Variants in BRIP1 observed in about 807,000 individuals in gnomAD.
The protein encoded by BRIP1 is BRCA1 interacting DNA helicase 1, also known as Fanconi anemia group J protein.
Under a neutral mutation model 119.7 loss-of-function variants are expected in BRIP1, and 88 were observed. The ratio of observed to expected loss-of-function variants is 0.74; its 90% CI spans 0.62 to 0.88. The LOEUF (loss-of-function observed/expected upper bound fraction) is 0.88, where lower values mean the gene tolerates loss of function less well. Ranked by LOEUF, BRIP1 falls within the 40% of genes least tolerant of loss-of-function variation. The probability of loss-of-function intolerance (pLI) is 0.00; values close to 1 mark genes in which losing one functional copy is unlikely to be tolerated. For missense variants in BRIP1, 1,259 were observed against 1,455.4 expected, an observed-to-expected ratio of 0.87 and a Z score of 2.20; for synonymous variants, 443 against 496.5, an observed-to-expected ratio of 0.89 and a Z score of 1.43.
chr17:61,787,120 A>T (rs1448178042), intron 10 of BRIP1, among the ~76,000 whole-genome samples: 1 of 112,012 alleles, frequency 8.9e-6, no homozygotes, highest in East Asian at 2.7e-4. Flanking sequence ...TTAATATATA[A>T]TATATTATAT....
rs895672379 is a variant in BRIP1 at position 61,832,760 on chromosome 17, G to A, written c.627+14341C>T. On this transcript the variant is annotated intron_variant, in intron 6 of 19. Transcript: ENST00000259008. The surrounding 1 kb of genome is among the most constrained non-coding windows in gnomAD (Gnocchi z 5.5). Reference sequence around the variant, plus strand: ...TGGATTCTTTTGCTTTTATAAAAGCGTTATTAAGACAACTGCTAAAATTTA... The same window carrying A: ...TGGATTCTTTTGCTTTTATAAAAGCATTATTAAGACAACTGCTAAAATTTA... Among the ~76,000 whole-genome samples, 3 of 152,278 alleles carry A rather than the reference G, an allele frequency of 2.0e-5. No individual in the cohort carries two copies. The highest frequency in any genetic ancestry group is 2.9e-5 in the Non-Finnish European group (2 of 68,012).
rs147809720 is a variant in BRIP1, at chr17:61,749,224, C to T, written c.2098-4633G>A. ...CATTGGATTTAACAATGATTTTATG[C>T]ATATGACATAAAAGCACAGGCAATA... On this transcript the variant is annotated intron_variant, in intron 14 of 19. Coordinates refer to ENST00000259008, the MANE Select transcript of BRIP1 (RefSeq NM_032043.3). Among the ~76,000 whole-genome samples the T allele has an allele frequency of 1.3e-4, 20 of 151,072 alleles. No individual in the cohort carries two copies. The East Asian group carries it at 3.9e-3, about 29-fold the overall frequency.
rs1047999551 is a variant in BRIP1, at chr17:61,852,974, A to C, written c.380-3718T>G. ...CTACTATAGCTGAACATATGTATATACTATGACCAGGTATGTGTCTACAGA... is the reference window on the plus strand; with the variant it reads ...CTACTATAGCTGAACATATGTATATCCTATGACCAGGTATGTGTCTACAGA... On this transcript the variant is annotated intron_variant, in intron 4 of 19. Transcript: ENST00000259008. This position sits in a 1 kb window ranked among gnomAD's most constrained non-coding sequence, Gnocchi z 4.9. Among the ~76,000 whole-genome samples, 1 of 152,222 alleles carries C rather than the reference A, an allele frequency of 6.6e-6. No individual in the cohort carries two copies. Among genetic ancestry groups the C allele is most frequent in the East Asian group, 1.9e-4 (1 of 5,200 alleles).
At chr17:61,838,586 T>G (rs1315481380) in intron 6 of BRIP1, among the ~76,000 whole-genome samples, 1 of 147,336 alleles carries the variant, frequency 6.8e-6, no homozygotes. Context: ...AATAAATAAA[T>G]AAATAAAGCA....
chr17:61,826,234 G>A (rs181695379), intron 6 of BRIP1, among the ~76,000 whole-genome samples: 281 of 151,966 alleles, frequency 1.8e-3, no homozygotes, highest in African/African-American at 6.3e-3. Flanking sequence ...TCCTTACACC[G>A]TATTCAAAAA....
rs1369274888 is a variant in BRIP1, at chr17:61,793,700, A to C, written c.1370T>G (p.Val457Gly). ...ACAAGCTGATTCATAATCTCTTTCT[A>C]CAAGATATTCAGCGTTTGCTTCTAA... Reference protein sequence around the residue: ...NWLEANAEYLVERDYESACKI... With the variant: ...NWLEANAEYLGERDYESACKI... Residue 457 changes from valine (V) to glycine (G), a missense_variant, in exon 10 of 20, where the codon GTA becomes GGA. Transcript: ENST00000259008. The surrounding 1 kb of genome is among the most constrained non-coding windows in gnomAD (Gnocchi z 5.2). 1 of 1,610,720 alleles carries C rather than the reference A, an allele frequency of 6.2e-7. No individual in the cohort carries two copies. Among genetic ancestry groups the C allele is most frequent in the East Asian group, 2.2e-5 (1 of 44,696 alleles).
chr17:61,779,368 G>C (rs2077579660), intron 13 of BRIP1, among the ~76,000 whole-genome samples: 1 of 152,194 alleles, frequency 6.6e-6, no homozygotes, highest in East Asian at 1.9e-4. Flanking sequence ...CCTGAGCCTG[G>C]GAGTTTGAAG....
intron 3 of BRIP1, among the ~76,000 whole-genome samples, chr17:61,858,380 T>G (rs556652546): frequency 3.2e-4 from 49 of 151,948 alleles, no homozygotes; most frequent in Admixed American, 2.0e-3. Context: ...TTACTGTTTT[T>G]TTTTTTTTTT....
chr17:61,779,063 T>A (rs148832285), intron 13 of BRIP1, among the ~76,000 whole-genome samples: 1 of 152,318 alleles, frequency 6.6e-6, no homozygotes, highest in African/African-American at 2.4e-5. Flanking sequence ...TAACAATCTA[T>A]ACATTTCCAC....
chr17:61,835,075 TTAA>T (rs1451690635), intron 6 of BRIP1, among the ~76,000 whole-genome samples: 1 of 152,234 alleles, frequency 6.6e-6, no homozygotes, highest in Admixed American at 6.5e-5. Context: ...AGGATTAATG[TTAA>T]TAATTTAAGT....
At chr17:61,818,584 C>T (rs543730064) in intron 6 of BRIP1, among the ~76,000 whole-genome samples, 2 of 152,124 alleles carry the variant, frequency 1.3e-5, no homozygotes, top group Non-Finnish European at 2.9e-5. Context: ...AATGAGAAAA[C>T]TTTGCTGAGA....
rs1326257056 is a variant in BRIP1, at chr17:61,775,358, C to G, written c.2097+1043G>C. Reference sequence around the variant, plus strand: ...AAGAGACTAATTGCTTTAGTGTATCCCTAGCTATCAAAGTACATATATATA... The same window carrying G: ...AAGAGACTAATTGCTTTAGTGTATCGCTAGCTATCAAAGTACATATATATA... On this transcript the variant is annotated intron_variant, in intron 14 of 19. Coordinates refer to ENST00000259008, the MANE Select transcript of BRIP1 (RefSeq NM_032043.3). The surrounding 1 kb of genome is among the most constrained non-coding windows in gnomAD (Gnocchi z 4.4). Among the ~76,000 whole-genome samples the G allele has an allele frequency of 6.6e-6, 1 of 151,790 alleles. No homozygotes were observed. The highest frequency in any genetic ancestry group is 1.5e-5 in the Non-Finnish European group (1 of 67,946).
chr17:61,713,567 G>T lies in BRIP1; in HGVS notation c.2492+2384C>A, dbSNP rs2061811885. Reference sequence around the variant, plus strand: ...GATGGAGTCTCGCTCTGTCGCCCAGGCTGGAGTGCAGTGGGGTGATCTCGG... The same window carrying T: ...GATGGAGTCTCGCTCTGTCGCCCAGTCTGGAGTGCAGTGGGGTGATCTCGG... On this transcript the variant is annotated intron_variant, in intron 17 of 19. Transcript: ENST00000259008. The surrounding 1 kb of genome is among the most constrained non-coding windows in gnomAD (Gnocchi z 4.9). Among the ~76,000 whole-genome samples the T allele has an allele frequency of 6.6e-6, 1 of 151,504 alleles. No individual in the cohort carries two copies. The highest frequency in any genetic ancestry group is 2.1e-4 in the South Asian group (1 of 4,786).
rs1449222007 is a variant in BRIP1, at chr17:61,794,333, G to A, written c.1341-604C>T. 6.6e-6 allele frequency among the ~76,000 whole-genome samples: 1 copy of A among 151,986 alleles called. No individual in the cohort carries two copies. The highest frequency in any genetic ancestry group is 1.5e-5 in the Non-Finnish European group (1 of 67,986). ...AAAACAAATACATAAACAAGAAAAT[G>A]TCAGGTAGTCATGGGATACTATATG... On this transcript the variant is annotated intron_variant, in intron 9 of 19. Coordinates refer to ENST00000259008, the MANE Select transcript of BRIP1 (RefSeq NM_032043.3). This position sits in a 1 kb window ranked among gnomAD's most constrained non-coding sequence, Gnocchi z 4.3.
At position 61,689,026 on chromosome 17, in the gene BRIP1, C is replaced by CTGTTATGTTATGTTATATTA. The variant is rs2061404641; in HGVS notation, c.2576-2862_2576-2861insTAATATAACATAACATAACA. On this transcript the variant is annotated intron_variant, in intron 18 of 19. Transcript: ENST00000259008. The surrounding 1 kb of genome is among the most constrained non-coding windows in gnomAD (Gnocchi z 4.5). ...TACTTTATTTTATATATTTTATATTCTGTTATGTTATGTTATGTTATGTTA... is the reference window on the plus strand; with the variant it reads ...TACTTTATTTTATATATTTTATATTCTGTTATGTTATGTTATATTATGTTATGTTATGTTATGTTATGTTA... Among the ~76,000 whole-genome samples, 1 of 145,598 alleles carries CTGTTATGTTATGTTATATTA rather than the reference C, an allele frequency of 6.9e-6. No homozygotes were observed. The highest frequency in any genetic ancestry group is 7.0e-5 in the Admixed American group (1 of 14,388).
At position 61,681,923 on chromosome 17, in the gene BRIP1, G is replaced by C. The variant is rs2061275097; in HGVS notation, c.*1373C>G. ...ATAGACCATACAGAATTCTTGGATA[G>C]CTCATAAAATTTCAATTCAAATTAC... On this transcript the variant is annotated 3_prime_UTR_variant, in exon 20 of 20. Transcript: ENST00000259008. The surrounding 1 kb of genome is among the most constrained non-coding windows in gnomAD (Gnocchi z 5.1). The C allele has an allele frequency of 5.0e-6, 1 of 199,336 alleles. No individual in the cohort carries two copies. The highest frequency in any genetic ancestry group is 2.3e-5 in the African/African-American group (1 of 43,498). The allele number at this position is 199,336 out of a possible 1,614,324, so 12.3% of individuals were successfully genotyped here. A position where few individuals can be genotyped will look rare whatever the true frequency, so the allele number is the denominator to read the frequency against.
chr17:61,721,692 C>CTTTTTTTTTT, intron 16 of BRIP1, among the ~76,000 whole-genome samples: 1 of 73,626 alleles, frequency 1.4e-5, no homozygotes, highest in Non-Finnish European at 2.4e-5. Flanking sequence ...TAGACTTTGC[C>CTTTTTTTTTT]TTTTTTTTTT....
chr17:61,839,922 GCATACTA>G (rs765862431), intron 6 of BRIP1, among the ~76,000 whole-genome samples: 13 of 152,194 alleles, frequency 8.5e-5, no homozygotes, highest in South Asian at 4.2e-4. Context: ...ACATATATCA[GCATACTA>G]CATAACCAAA....
Position 61,845,725 on chromosome 17 carries a change from C to T in BRIP1, c.627+1376G>A, listed in dbSNP as rs534409821. ...CTCACAATCCAAACTATCCTACAGGCGCTTCTCCCCAGGACATCCATCCTG... is the reference window on the plus strand; with the variant it reads ...CTCACAATCCAAACTATCCTACAGGTGCTTCTCCCCAGGACATCCATCCTG... On this transcript the variant is annotated intron_variant, in intron 6 of 19. Coordinates refer to ENST00000259008, the MANE Select transcript of BRIP1 (RefSeq NM_032043.3). This position sits in a 1 kb window ranked among gnomAD's most constrained non-coding sequence, Gnocchi z 4.2. Among the ~76,000 whole-genome samples the T allele has an allele frequency of 3.3e-5, 5 of 152,130 alleles. No homozygotes were observed. Among genetic ancestry groups the T allele is most frequent in the Non-Finnish European group, 7.3e-5 (5 of 68,036 alleles).
Sources: gnomAD v4.1 joint callset for allele counts (sites outside exome capture counted in the v4.1 genomes callset) on GRCh38, gnomAD v4.1.1 for gene constraint, Gnocchi (gnomAD v3.1) non-coding constraint, MANE v1.5 for transcripts, NCBI Gene and HGNC (gene_info 2026-07-23, HGNC 2026-07-21) for gene names.